Variants in ONECUT3 observed in about 807,000 individuals in gnomAD.
ONECUT3 encodes the protein one cut domain family member 3.
Under a neutral mutation model 16.8 loss-of-function variants are expected in ONECUT3, and 11 were observed. The ratio of observed to expected loss-of-function variants is 0.66; its 90% CI spans 0.41 to 1.09. The LOEUF (loss-of-function observed/expected upper bound fraction) is 1.09. ONECUT3 is among the 50% of genes least tolerant of loss of function. The probability of loss-of-function intolerance (pLI) is 0.00; values close to 1 mark genes in which losing one functional copy is unlikely to be tolerated. For synonymous variants in ONECUT3, 344 were observed against 310.7 expected (o/e 1.11, Z -1.13); for missense variants, 637 against 629.9 (o/e 1.01, Z -0.12).
In ONECUT3 at chr19:1,759,278, G is replaced by C. The variant is rs763759730; in HGVS notation, c.1192+4424G>C. 6.6e-6 allele frequency among the ~76,000 whole-genome samples: 1 copy of C among 152,124 alleles called. No individual in the cohort carries two copies. The highest frequency in any genetic ancestry group is 2.1e-4 in the South Asian group (1 of 4,830). On this transcript the variant is annotated intron_variant, in intron 1 of 1. Coordinates refer to ENST00000382349, the MANE Select transcript of ONECUT3 (RefSeq NM_001080488.2). This position sits in a 1 kb window ranked among gnomAD's most constrained non-coding sequence, Gnocchi z 4.1. ...AGGGGAAGGACATGGAAAGGAAAAA[G>C]AGGCAGAACCTCTTCCCCACCCAGG...
At chr19:1,763,739 T>TTTG (rs2067960983) in intron 1 of ONECUT3, among the ~76,000 whole-genome samples, 2 of 148,936 alleles carry the variant, frequency 1.3e-5, no homozygotes, top group African/African-American at 5.1e-5. Context: ...TTTGTTTTTT[T>TTTG]TTTTTTTTTA....
intron 1 of ONECUT3, among the ~76,000 whole-genome samples, chr19:1,768,452 G>A (rs923864024): frequency 5.3e-5 from 8 of 152,120 alleles, no homozygotes; most frequent in Non-Finnish European, 1.0e-4. Flanking sequence ...GGCCTGCACC[G>A]GGACATGCCT....
Position 1,754,940 on chromosome 19 carries a change from G to A in ONECUT3, c.1192+86G>A, listed in dbSNP as rs568523710. 2.3e-6 allele frequency: 3 copies of A among 1,281,150 alleles called. No homozygotes were observed. The African/African-American group carries it at 4.7e-5, about 20-fold the overall frequency. 79.4% of individuals were successfully genotyped at this position (1,281,150 alleles called of 1,614,324 possible). A position where few individuals can be genotyped will look rare whatever the true frequency, so the allele number is the denominator to read the frequency against. ...TAGCGGGGCGGCGGCCGATGCCCGG[G>A]GCCAGCGCCCCAAGCCCCGCCCGTG... On this transcript the variant is annotated intron_variant, in intron 1 of 1. Transcript: ENST00000382349. The surrounding 1 kb of genome is among the most constrained non-coding windows in gnomAD (Gnocchi z 7.4).
chr19:1,764,279 C>T lies in ONECUT3; in HGVS notation c.1192+9425C>T, dbSNP rs909143991. Among the ~76,000 whole-genome samples, 1 of 152,190 alleles carries T rather than the reference C, an allele frequency of 6.6e-6. No individual in the cohort carries two copies. Among genetic ancestry groups the T allele is most frequent in the African/African-American group, 2.4e-5 (1 of 41,446 alleles). ...CCCCCTGACACCCCCATGCCCCCACCCCATGGCGGCCCAGCCTCCAGATGG... is the reference window on the plus strand; with the variant it reads ...CCCCCTGACACCCCCATGCCCCCACTCCATGGCGGCCCAGCCTCCAGATGG... On this transcript the variant is annotated intron_variant, in intron 1 of 1. Transcript: ENST00000382349. This position sits in a 1 kb window ranked among gnomAD's most constrained non-coding sequence, Gnocchi z 5.0.
Position 1,775,139 on chromosome 19 carries a change from C to T in ONECUT3, c.1193-14C>T. Reference sequence around the variant, plus strand: ...TGTGTCCCGCTCGCCCGCCCGCCCGCCGCTCGCCCGCAGCCTGCAAGCGCA... The same window carrying T: ...TGTGTCCCGCTCGCCCGCCCGCCCGTCGCTCGCCCGCAGCCTGCAAGCGCA... On this transcript the variant is annotated splice_polypyrimidine_tract_variant and intron_variant, in intron 1 of 1. Transcript: ENST00000382349. The T allele has an allele frequency of 1.5e-6, 2 of 1,367,570 alleles. No homozygotes were observed. Among genetic ancestry groups the T allele is most frequent in the Non-Finnish European group, 2.0e-6 (2 of 1,021,606 alleles). 84.7% of individuals were successfully genotyped at this position (1,367,570 alleles called of 1,614,324 possible).
chr19:1,776,123 GAGGGGCCTGCGGCGGGCGCCC>G lies in ONECUT3; in HGVS notation c.*681_*701del. The G allele has an allele frequency of 6.6e-6, 1 of 152,206 alleles. No individual in the cohort carries two copies. Among genetic ancestry groups the G allele is most frequent in the Non-Finnish European group, 1.5e-5 (1 of 68,088 alleles). 9.4% of individuals were successfully genotyped at this position (152,206 alleles called of 1,614,324 possible). ...AGAATCGCCTGCCTTAAAGTCTGGG[GAGGGGCCTGCGGCGGGCGCCC>G]AGCACCTACGGGCGAGCACCCTTCC... is the stretch of plus-strand genomic sequence containing the variant. On this transcript the variant is annotated 3_prime_UTR_variant, in exon 2 of 2. Coordinates refer to ENST00000382349, the MANE Select transcript of ONECUT3 (RefSeq NM_001080488.2). The surrounding 1 kb of genome is among the most constrained non-coding windows in gnomAD (Gnocchi z 4.9).
rs1195298570 is a variant in ONECUT3, at chr19:1,775,458, C to G, written c.*13C>G. Reference sequence around the variant, plus strand: ...CTCCAAGGCCTGAGGCGCCCCGGCCCCGCGCCCTCCCTGCCTCCACGGCCT... The same window carrying G: ...CTCCAAGGCCTGAGGCGCCCCGGCCGCGCGCCCTCCCTGCCTCCACGGCCT... On this transcript the variant is annotated 3_prime_UTR_variant, in exon 2 of 2. Transcript: ENST00000382349. 8 of 1,454,862 alleles carry G rather than the reference C, an allele frequency of 5.5e-6. No homozygotes were observed. Among genetic ancestry groups the G allele is most frequent in the Non-Finnish European group, 6.3e-6 (7 of 1,110,786 alleles). 90.1% of individuals were successfully genotyped at this position (1,454,862 alleles called of 1,614,324 possible).
intron 1 of ONECUT3, among the ~76,000 whole-genome samples, chr19:1,756,695 A>ATTTTTTTTTTTTTTT (rs58105449): frequency 5.8e-4 from 59 of 101,138 alleles, no homozygotes; most frequent in Non-Finnish European, 6.5e-4. Flanking sequence ...ACGCCTGGCT[A>ATTTTTTTTTTTTTTT]TTTTTTTTTT....
intron 1 of ONECUT3, among the ~76,000 whole-genome samples, chr19:1,761,304 C>T (rs138804273): frequency 4.6e-5 from 7 of 152,130 alleles, no homozygotes; most frequent in South Asian, 2.1e-4. Context: ...CCACCCACCT[C>T]GGCCACCCAA....
In ONECUT3 at chr19:1,775,830, T is replaced by G; in HGVS notation, c.*385T>G. 1 of 158,132 alleles carries G rather than the reference T, an allele frequency of 6.3e-6. No individual in the cohort carries two copies. Among genetic ancestry groups the G allele is most frequent in the Non-Finnish European group, 1.4e-5 (1 of 72,370 alleles). The allele number at this position is 158,132 out of a possible 1,614,324, so 9.8% of individuals were successfully genotyped here. ...GCACATACTAGAAATATAAACCGGG[T>G]ATTTAAAAATGGAATTTTAAAGAAT... On this transcript the variant is annotated 3_prime_UTR_variant, in exon 2 of 2. Coordinates refer to ENST00000382349, the MANE Select transcript of ONECUT3 (RefSeq NM_001080488.2).
intron 1 of ONECUT3, among the ~76,000 whole-genome samples, chr19:1,763,405 A>T (rs1385949088): frequency 1.4e-5 from 2 of 141,040 alleles, no homozygotes; most frequent in Non-Finnish European, 3.1e-5. Flanking sequence ...AATTAGCCAG[A>T]TGTGGTGGTG....
At chr19:1,761,698 A>G (rs2067947244) in intron 1 of ONECUT3, among the ~76,000 whole-genome samples, 1 of 152,150 alleles carries the variant, frequency 6.6e-6, no homozygotes, top group South Asian at 2.1e-4. Flanking sequence ...ATCAATAGGG[A>G]GGGAAGCACT....
At position 1,754,776 on chromosome 19, in the gene ONECUT3, G is replaced by A. The variant is rs2067907862; in HGVS notation, c.1114G>A (p.Gly372Ser). The A allele has an allele frequency of 2.6e-6, 4 of 1,566,124 alleles. No individual in the cohort carries two copies. The highest frequency in any genetic ancestry group is 1.4e-5 in the African/African-American group (1 of 71,818). The change falls in exon 1 of 2, where the codon GGC (glycine) becomes AGC (serine). Residue 372 changes from glycine to serine, a missense_variant. By Grantham distance (56) the Gly-to-Ser change is moderately conservative. Coordinates refer to ENST00000382349, the MANE Select transcript of ONECUT3 (RefSeq NM_001080488.2). This position sits in a 1 kb window ranked among gnomAD's most constrained non-coding sequence, Gnocchi z 7.4. ...CAAGCCGTGGAGCAAGCTCAAATCC[G>A]GCCGCGAGACCTTCCGCAGGATGTG... ...NPKPWSKLKS[G>S]RETFRRMWKW...
At chr19:1,763,633 T>A (rs2067959705) in intron 1 of ONECUT3, among the ~76,000 whole-genome samples, 1 of 152,052 alleles carries the variant, frequency 6.6e-6, no homozygotes, top group South Asian at 2.1e-4. Flanking sequence ...CAAGATGAGG[T>A]GGCTTCCATT....
chr19:1,767,590 C>G (rs764923653), intron 1 of ONECUT3, among the ~76,000 whole-genome samples: 7 of 152,218 alleles, frequency 4.6e-5, no homozygotes, highest in Non-Finnish European at 1.0e-4. Flanking sequence ...ACAGCCCCCG[C>G]CCTTTCCTGG....
At position 1,780,954 on chromosome 19, in the gene ONECUT3, G is replaced by C. The variant is rs1395715328; in HGVS notation, c.*5509G>C. Reference sequence around the variant, plus strand: ...GAAGCCCTTTTCCACCTTCACCCTTGGGCGACAGGCTTAAAAGCTAAAAAA... The same window carrying C: ...GAAGCCCTTTTCCACCTTCACCCTTCGGCGACAGGCTTAAAAGCTAAAAAA... On this transcript the variant is annotated 3_prime_UTR_variant, in exon 2 of 2. Coordinates refer to ENST00000382349, the MANE Select transcript of ONECUT3 (RefSeq NM_001080488.2). 7.1e-6 allele frequency: 1 copy of C among 141,720 alleles called. No individual in the cohort carries two copies. The highest frequency in any genetic ancestry group is 2.7e-5 in the African/African-American group (1 of 36,470). The allele number at this position is 141,720 out of a possible 1,614,324, so 8.8% of individuals were successfully genotyped here.
Position 1,780,777 on chromosome 19 carries a change from GT to G in ONECUT3, c.*5336del. The G allele has an allele frequency of 6.6e-6, 1 of 152,384 alleles. No homozygotes were observed. Among genetic ancestry groups the G allele is most frequent in the Non-Finnish European group, 1.5e-5 (1 of 68,092 alleles). The allele number at this position is 152,384 out of a possible 1,614,324, so 9.4% of individuals were successfully genotyped here. A position where few individuals can be genotyped will look rare whatever the true frequency, so the allele number is the denominator to read the frequency against. The stretch of plus-strand genomic sequence containing the variant: ...GCCCTGTCAGACCACGCAGGGGCTG[GT>G]TTTGGTGGAATGAGCTCAGCCGGGG... On this transcript the variant is annotated 3_prime_UTR_variant, in exon 2 of 2. Transcript: ENST00000382349.
At position 1,754,194 on chromosome 19, in the gene ONECUT3, C is replaced by G. The variant is rs551369904; in HGVS notation, c.532C>G (p.Leu178Val). ...CCTCATGCGCGACGAGCGGGCGGCGCTCGCCTCCGTGGGCCACCTCTACGG... is the reference window on the plus strand; with the variant it reads ...CCTCATGCGCGACGAGCGGGCGGCGGTCGCCTCCGTGGGCCACCTCTACGG... ...FTLMRDERAA[L>V]ASVGHLYGPY... is the part of the protein sequence containing the mutation. The change falls in exon 1 of 2, where the codon CTC (leucine) becomes GTC (valine). Residue 178 changes from leucine (L) to valine (V), a missense_variant. Leu to Val is a conservative substitution (Grantham distance 32). This residue lies in a region of ONECUT3 where 419 missense variants were observed against 377.9 expected (regional missense o/e 1.11). Coordinates refer to ENST00000382349, the MANE Select transcript of ONECUT3 (RefSeq NM_001080488.2). This position sits in a 1 kb window ranked among gnomAD's most constrained non-coding sequence, Gnocchi z 7.4. The G allele has an allele frequency of 9.0e-3, 10,463 of 1,160,940 alleles. 59 individuals are homozygous for G. The highest frequency in any genetic ancestry group is 0.01 in the Non-Finnish European group (9,753 of 932,284). 71.9% of individuals were successfully genotyped at this position (1,160,940 alleles called of 1,614,324 possible).
chr19:1,768,919 G>C, intron 1 of ONECUT3, among the ~76,000 whole-genome samples: 1 of 148,172 alleles, frequency 6.7e-6, no homozygotes, highest in African/African-American at 2.4e-5. Context: ...AGGTGGAGGT[G>C]GTGGAGGTGA....
Sources: allele counts gnomAD v4.1 joint callset (sites outside exome capture counted in the v4.1 genomes callset), GRCh38; gene constraint gnomAD v4.1.1; regional missense constraint gnomAD v4.1.1; non-coding constraint Gnocchi (gnomAD v3.1); transcripts MANE v1.5; gene names NCBI Gene and HGNC (gene_info 2026-07-23, HGNC 2026-07-21).